The following ACTR3C variants were observed in gnomAD, a reference collection of about 807,000 sequenced individuals.
ACTR3C encodes actin related protein 3C, also known as actin-related protein 3C.
Under a neutral mutation model 26.3 loss-of-function variants are expected in ACTR3C, and 18 were observed. That is an observed-to-expected ratio of 0.68 (90% CI 0.47 to 1.01). The LOEUF is 1.01. Among genes scored for constraint, ACTR3C ranks in the 50% least tolerant of loss-of-function variants. ACTR3C has a pLI of 0.00. For synonymous variants in ACTR3C, 55 were observed against 94.5 expected (o/e 0.58, Z 2.42); for missense variants, 184 against 250.7 (o/e 0.73, Z 1.80).
chr7:150,227,839 C>T, the ACTR3C span, among the ~76,000 whole-genome samples: 1 of 150,932 alleles, frequency 6.6e-6, no homozygotes, highest in African/African-American at 2.4e-5. Flanking sequence ...GCTCTCAATT[C>T]TGTTTCATTG....
chr7:150,007,522 G>A, the ACTR3C span, among the ~76,000 whole-genome samples: 1 of 152,196 alleles, frequency 6.6e-6, no homozygotes, highest in Admixed American at 6.5e-5. Context: ...TTAAAGTCTC[G>A]CTCTGTAACT....
intron 1 of ACTR3C, among the ~76,000 whole-genome samples, chr7:150,313,868 T>TTCCC (rs1291687793): frequency 3.9e-5 from 6 of 152,216 alleles, no homozygotes; most frequent in African/African-American, 1.2e-4. Context: ...CCTGGAAAGC[T>TTCCC]AAAAACAACC....
At chr7:149,902,928 A>T in the ACTR3C span, among the ~76,000 whole-genome samples, 1 of 30,876 alleles carries the variant, frequency 3.2e-5, no homozygotes, top group African/African-American at 5.2e-5. Flanking sequence ...CTTAAAGTAC[A>T]GTGTCTCAAA....
At chr7:150,104,573 A>G in the ACTR3C span, among the ~76,000 whole-genome samples, 4 of 151,500 alleles carry the variant, frequency 2.6e-5, no homozygotes, top group African/African-American at 7.3e-5. Flanking sequence ...AGTGCCACCA[A>G]GAGTCAGTGC....
At chr7:150,187,894 A>C in the ACTR3C span, among the ~76,000 whole-genome samples, 1 of 151,700 alleles carries the variant, frequency 6.6e-6, no homozygotes, top group Non-Finnish European at 1.5e-5. Context: ...GAGATCTTTT[A>C]GAATATGCAA....
the ACTR3C span, among the ~76,000 whole-genome samples, chr7:150,019,500 G>A: frequency 1.4e-5 from 2 of 140,470 alleles, no homozygotes; most frequent in South Asian, 4.3e-4. Flanking sequence ...GCTGAGGCAG[G>A]AGAATTGCTT....
At chr7:150,213,939 C>T in the ACTR3C span, among the ~76,000 whole-genome samples, 1 of 145,012 alleles carries the variant, frequency 6.9e-6, no homozygotes, top group African/African-American at 2.6e-5. Context: ...TTGAAGAGGA[C>T]TCACTTGGAA....
chr7:149,938,537 T>C, the ACTR3C span, among the ~76,000 whole-genome samples: 1 of 151,480 alleles, frequency 6.6e-6, no homozygotes, highest in African/African-American at 2.4e-5. Context: ...AAAATAAAGG[T>C]GAGGAAACCC....
At chr7:150,135,949 G>A in the ACTR3C span, among the ~76,000 whole-genome samples, 34 of 152,302 alleles carry the variant, frequency 2.2e-4, no homozygotes, top group African/African-American at 7.5e-4. Flanking sequence ...CAGCTCTCAC[G>A]CAACCTGCTA....
At chr7:150,032,372 A>G in the ACTR3C span, among the ~76,000 whole-genome samples, 3 of 152,146 alleles carry the variant, frequency 2.0e-5, no homozygotes, top group East Asian at 1.9e-4. Flanking sequence ...ACTTTGTCCT[A>G]ATGGAGATTC....
the ACTR3C span, among the ~76,000 whole-genome samples, chr7:150,157,884 G>T: frequency 6.6e-6 from 1 of 152,086 alleles, no homozygotes; most frequent in African/African-American, 2.4e-5. Flanking sequence ...ACATGATGTA[G>T]AACTGAGCAA....
At chr7:150,281,365 G>T (rs1835323381) in intron 6 of ACTR3C, among the ~76,000 whole-genome samples, 1 of 150,654 alleles carries the variant, frequency 6.6e-6, no homozygotes, top group African/African-American at 2.5e-5. Flanking sequence ...GACGATTCGG[G>T]GCATGCTCTC....
chr7:150,041,750 A>G, the ACTR3C span, among the ~76,000 whole-genome samples: 987 of 34,032 alleles, frequency 0.029, 11 homozygotes, highest in African/African-American at 0.088. Flanking sequence ...CCTAAGAGCC[A>G]GGGGGGGGAA....
the ACTR3C span, among the ~76,000 whole-genome samples, chr7:150,092,005 A>G: frequency 6.9e-6 from 1 of 144,778 alleles, no homozygotes; most frequent in African/African-American, 2.5e-5. Context: ...AAAAAAAAAA[A>G]AAAAAAAAAA....
At chr7:150,301,372 C>T (rs1016409485) in intron 1 of ACTR3C, among the ~76,000 whole-genome samples, 19 of 152,200 alleles carry the variant, frequency 1.2e-4, no homozygotes, top group Non-Finnish European at 7.3e-5. Context: ...TGTAGGAAGA[C>T]ATCACCAACA....
At chr7:150,093,687 A>G in the ACTR3C span, among the ~76,000 whole-genome samples, 1 of 150,760 alleles carries the variant, frequency 6.6e-6, no homozygotes, top group Non-Finnish European at 1.5e-5. Context: ...GTTTGGGAAG[A>G]GCTGAATATC....
chr7:150,242,131 G>A (rs1374065892), downstream of ACTR3C, among the ~76,000 whole-genome samples: 2 of 151,880 alleles, frequency 1.3e-5, no homozygotes, highest in East Asian at 1.9e-4. Context: ...CAGGAGAATC[G>A]CTTGACCCTG....
chr7:150,225,196 T>C, the ACTR3C span, among the ~76,000 whole-genome samples: 2 of 152,220 alleles, frequency 1.3e-5, no homozygotes, highest in African/African-American at 4.8e-5. Context: ...GAAACTAATA[T>C]CTGGGCATTA....
At chr7:149,889,504 T>G in the ACTR3C span, among the ~76,000 whole-genome samples, 2 of 152,182 alleles carry the variant, frequency 1.3e-5, no homozygotes, top group African/African-American at 4.8e-5. Flanking sequence ...GAGGGAAACT[T>G]GAGAGGCCAG....
Sources: allele counts gnomAD v4.1 joint callset (sites outside exome capture counted in the v4.1 genomes callset), GRCh38; gene constraint gnomAD v4.1.1; transcripts MANE v1.5; gene names NCBI Gene and HGNC (gene_info 2026-07-23, HGNC 2026-07-21).